Variants in LRGUK observed in about 807,000 individuals in gnomAD.
LRGUK encodes the protein leucine rich repeats and guanylate kinase domain containing.
In LRGUK, 65 loss-of-function variants were observed where a neutral mutation model predicts 76.0. That is an observed-to-expected ratio of 0.85 (90% CI 0.70 to 1.05). The LOEUF (loss-of-function observed/expected upper bound fraction) is 1.05, where lower values mean the gene tolerates loss of function less well. Among genes scored for constraint, LRGUK ranks in the 50% least tolerant of loss-of-function variants. The pLI is 0.00. For synonymous variants in LRGUK, 268 were observed against 265.6 expected (o/e 1.01, Z -0.09); for missense variants, 758 against 732.8 (o/e 1.03, Z -0.40).
At chr7:134,223,175 C>T (rs1023953008) in intron 16 of LRGUK, among the ~76,000 whole-genome samples, 2 of 152,192 alleles carry the variant, frequency 1.3e-5, no homozygotes, top group African/African-American at 4.8e-5. Context: ...ACAGGCTTTG[C>T]TCCCACTAGC....
At chr7:134,137,181 AC>A in intron 2 of LRGUK, 51 bp downstream of exon 2, 1 of 1,334,530 alleles carries the variant, frequency 7.5e-7, no homozygotes, top group Non-Finnish European at 1.1e-6. Context: ...CACTGGCTAG[AC>A]CATATTCATT....
chr7:134,183,076 A>G (rs1362355568), intron 10 of LRGUK, among the ~76,000 whole-genome samples: 3 of 152,342 alleles, frequency 2.0e-5, no homozygotes, highest in East Asian at 3.9e-4. Flanking sequence ...TTATTAATCA[A>G]TTCATTCTTT....
chr7:134,230,473 C>T (rs974410499), intron 16 of LRGUK, among the ~76,000 whole-genome samples: 7 of 152,136 alleles, frequency 4.6e-5, no homozygotes, highest in Non-Finnish European at 1.0e-4. Flanking sequence ...ACACCTCAAC[C>T]GTGGTATTCT....
intron 8 of LRGUK, among the ~76,000 whole-genome samples, chr7:134,176,721 C>T (rs1230250620): frequency 6.6e-6 from 1 of 152,130 alleles, no homozygotes; most frequent in Non-Finnish European, 1.5e-5. Flanking sequence ...GATAATCCAC[C>T]TGTCCTGTTA....
At chr7:134,181,223 G>A (rs1470298221) in intron 10 of LRGUK, among the ~76,000 whole-genome samples, 3 of 152,030 alleles carry the variant, frequency 2.0e-5, no homozygotes, top group Admixed American at 2.0e-4. Flanking sequence ...CTGAATTCTT[G>A]CATGTTATAA....
At chr7:134,270,630 A>G in the LRGUK span, among the ~76,000 whole-genome samples, 1 of 152,138 alleles carries the variant, frequency 6.6e-6, no homozygotes, top group African/African-American at 2.4e-5. Flanking sequence ...ACTTCGTGTT[A>G]TATTACATGT....
At chr7:134,184,820 C>T (rs975135622) in intron 11 of LRGUK, among the ~76,000 whole-genome samples, 6 of 152,244 alleles carry the variant, frequency 3.9e-5, no homozygotes, top group African/African-American at 1.4e-4. Context: ...AAATCACCCT[C>T]CAGGGTTTGA....
intron 3 of LRGUK, among the ~76,000 whole-genome samples, chr7:134,140,795 C>CT (rs1028358876): frequency 2.0e-5 from 3 of 152,042 alleles, no homozygotes; most frequent in South Asian, 2.1e-4. Flanking sequence ...TTTCAATTAA[C>CT]TTTTTTCTAG....
chr7:134,260,036 G>A (rs1192564227), intron 19 of LRGUK, among the ~76,000 whole-genome samples: 1 of 152,150 alleles, frequency 6.6e-6, no homozygotes, highest in East Asian at 1.9e-4. Context: ...TGGTACAGTA[G>A]AAAGACATTA....
intron 11 of LRGUK, among the ~76,000 whole-genome samples, chr7:134,184,894 C>A (rs1365084366): frequency 6.6e-6 from 1 of 152,232 alleles, no homozygotes; most frequent in Non-Finnish European, 1.5e-5. Context: ...TGTTGCCTTG[C>A]AGTATGATAG....
At chr7:134,163,751 C>T (rs1798859100) in intron 7 of LRGUK, among the ~76,000 whole-genome samples, 1 of 152,148 alleles carries the variant, frequency 6.6e-6, no homozygotes, top group Admixed American at 6.5e-5. Context: ...GTGATGATTC[C>T]TAATTACATT....
At chr7:134,252,409 C>G (rs1367322630) in intron 18 of LRGUK, among the ~76,000 whole-genome samples, 1 of 151,738 alleles carries the variant, frequency 6.6e-6, no homozygotes, top group Non-Finnish European at 1.5e-5. Flanking sequence ...CATAGAATTC[C>G]AAAAGCTGTC....
chr7:134,199,177 C>T (rs763633033), intron 13 of LRGUK, 43 bp from the exon 14 acceptor site: 2 of 1,525,200 alleles, frequency 1.3e-6, no homozygotes, highest in Non-Finnish European at 1.8e-6. Flanking sequence ...ATTTCTAAAT[C>T]ATGTATCTGT....
intron 15 of LRGUK, among the ~76,000 whole-genome samples, chr7:134,215,778 C>T (rs369863826): frequency 5.4e-4 from 82 of 152,138 alleles, no homozygotes; most frequent in African/African-American, 1.8e-3. Context: ...AATTTAATTG[C>T]GTAGTCCAAT....
At chr7:134,235,384 G>T (rs1428045632) in intron 16 of LRGUK, among the ~76,000 whole-genome samples, 1 of 152,110 alleles carries the variant, frequency 6.6e-6, no homozygotes, top group Admixed American at 6.6e-5. Context: ...TCTTTCCCCA[G>T]ATAGCCACAT....
At chr7:134,138,211 G>A (rs933157862) in intron 2 of LRGUK, among the ~76,000 whole-genome samples, 2 of 152,108 alleles carry the variant, frequency 1.3e-5, no homozygotes, top group African/African-American at 4.8e-5. Context: ...TTCTACTTCT[G>A]TAGGTAGTGC....
chr7:134,209,898 G>C (rs1317625602), exon 16 of LRGUK: 1 of 399,318 alleles, frequency 2.5e-6, no homozygotes, highest in Non-Finnish European at 4.4e-6. Flanking sequence ...CAGAAAGTGA[G>C]GCTCCCTCGC....
chr7:134,142,259 G>A (rs143961216), intron 3 of LRGUK, among the ~76,000 whole-genome samples: 17 of 152,284 alleles, frequency 1.1e-4, no homozygotes, highest in African/African-American at 4.1e-4. Flanking sequence ...GGACTTACTA[G>A]TAGAGACAGG....
At chr7:134,194,513 G>A (rs1267180947) in intron 12 of LRGUK, among the ~76,000 whole-genome samples, 2 of 152,040 alleles carry the variant, frequency 1.3e-5, no homozygotes, top group African/African-American at 4.8e-5. Context: ...AGGCTGAGGT[G>A]GGAGGATTGC....
Sources: gnomAD v4.1 joint callset for allele counts (sites outside exome capture counted in the v4.1 genomes callset) on GRCh38, gnomAD v4.1.1 for gene constraint, MANE v1.5 for transcripts, NCBI Gene and HGNC (gene_info 2026-07-23, HGNC 2026-07-21) for gene names.